C3orf20: variants seen among roughly 807,000 people sequenced by gnomAD.
C3orf20 encodes the protein family with sequence similarity 149 member C, also known as uncharacterized protein C3orf20.
In C3orf20, 76 loss-of-function variants were observed where a neutral mutation model predicts 88.3. That is an observed-to-expected ratio of 0.86 (90% CI 0.72 to 1.04). C3orf20 has a LOEUF of 1.04. Ranked by LOEUF, C3orf20 falls within the 50% of genes least tolerant of loss-of-function variation. The pLI is 0.00. For missense variants in C3orf20, 1,056 were observed against 1,123.3 expected (o/e 0.94, Z 0.86); for synonymous variants, 436 against 437.4 (o/e 1.00, Z 0.04).
chr3:14,747,325 C>G (rs1466706170), intron 12 of C3orf20, among the ~76,000 whole-genome samples: 2 of 152,196 alleles, frequency 1.3e-5, no homozygotes, highest in Non-Finnish European at 2.9e-5. Flanking sequence ...AATATTGCAG[C>G]TTGAATATCT....
rs150959545 is a variant in C3orf20 at position 14,728,772 on chromosome 3, C to T, written c.1940+84C>T. The T allele has an allele frequency of 5.9e-3, 8,462 of 1,436,560 alleles. 36 individuals carry two copies. The highest frequency in any genetic ancestry group is 6.2e-3 in the Non-Finnish European group (6,621 of 1,060,648). 89.0% of individuals were successfully genotyped at this position (1,436,560 alleles called of 1,614,324 possible). On this transcript the variant is annotated intron_variant, in intron 12 of 16. Transcript: ENST00000253697. Reference sequence around the variant, plus strand: ...AGGATAGTGAACCCAACAGATGGGGCCCCTCTCTTTTGGAGCTTAAATTCC... The same window carrying T: ...AGGATAGTGAACCCAACAGATGGGGTCCCTCTCTTTTGGAGCTTAAATTCC...
chr3:14,721,872 A>C, intron 10 of C3orf20, 88 bp downstream of exon 10: 1 of 1,521,060 alleles, frequency 6.6e-7, no homozygotes, highest in South Asian at 1.2e-5. Context: ...CTTTGCTCTT[A>C]CTCCCCACCA....
intron 5 of C3orf20, among the ~76,000 whole-genome samples, chr3:14,696,274 A>G (rs2032995843): frequency 6.6e-6 from 1 of 151,508 alleles, no homozygotes; most frequent in Non-Finnish European, 1.5e-5. Flanking sequence ...GAAAACTAAT[A>G]AAACTCTACA....
intron 5 of C3orf20, among the ~76,000 whole-genome samples, chr3:14,691,721 G>A (rs1026390951): frequency 6.6e-6 from 1 of 152,072 alleles, no homozygotes; most frequent in African/African-American, 2.4e-5. Context: ...GCTAAATGGG[G>A]TGTCCATCAC....
rs2034170475 is a variant in C3orf20, at chr3:14,721,741, T to G, written c.1523T>G (p.Val508Gly). ...TSLNETVTLT[V>G]SANNCPHGMA... ...CTGAATGAGACAGTAACACTCACTG[T>G]GTCGGCCAACAATTGTCCCCATGGA... Residue 508 changes from valine (V) to glycine (G), a missense_variant, in exon 10 of 17, where the codon GTG becomes GGG. Physicochemically the swap from Val to Gly is moderately radical, Grantham distance 109. Coordinates refer to ENST00000253697, the MANE Select transcript of C3orf20 (RefSeq NM_032137.5). 1 of 1,614,218 alleles carries G rather than the reference T, an allele frequency of 6.2e-7. No individual in the cohort carries two copies. The highest frequency in any genetic ancestry group is 8.5e-7 in the Non-Finnish European group (1 of 1,180,026).
In C3orf20 at chr3:14,768,588, A is replaced by C. The variant is rs926397654; in HGVS notation, c.2496-3479A>C. Among the ~76,000 whole-genome samples, 3 of 152,022 alleles carry C rather than the reference A, an allele frequency of 2.0e-5. No homozygotes were observed. The highest frequency in any genetic ancestry group is 6.5e-5 in the Admixed American group (1 of 15,282). The stretch of plus-strand genomic sequence containing the variant: ...CTGGGTTGGGGCTAAGCAGGGTATC[A>C]TGAGCTTGTCACAGCAGCAGACAGT... On this transcript the variant is annotated intron_variant, in intron 15 of 16. Coordinates refer to ENST00000253697, the MANE Select transcript of C3orf20 (RefSeq NM_032137.5). The surrounding 1 kb of genome is among the most constrained non-coding windows in gnomAD (Gnocchi z 4.1).
At chr3:14,707,445 TTGTGTGTGTGTGTGTGTGTGTGTGTG>T (rs36047273) in intron 7 of C3orf20, among the ~76,000 whole-genome samples, 19 of 136,452 alleles carry the variant, frequency 1.4e-4, no homozygotes, top group Non-Finnish European at 2.3e-4. Context: ...GCATCTTTTC[TTGTGTGTGTGTGTGTGTGTGTGTGTG>T]TGTGTGTGTG....
rs1333573260 is a variant in C3orf20, at chr3:14,768,439, G to T, written c.2496-3628G>T. On this transcript the variant is annotated intron_variant, in intron 15 of 16. Coordinates refer to ENST00000253697, the MANE Select transcript of C3orf20 (RefSeq NM_032137.5). This position sits in a 1 kb window ranked among gnomAD's most constrained non-coding sequence, Gnocchi z 4.1. ...CAAGGAAGCCCCTTGGACAGGCAGGGGAAGGGCATGCAGACGTAGGCTTTC... is the reference window on the plus strand; with the variant it reads ...CAAGGAAGCCCCTTGGACAGGCAGGTGAAGGGCATGCAGACGTAGGCTTTC... Among the ~76,000 whole-genome samples the T allele has an allele frequency of 1.3e-5, 2 of 152,046 alleles. No individual in the cohort carries two copies. The highest frequency in any genetic ancestry group is 2.9e-5 in the Non-Finnish European group (2 of 68,036).
rs779614224 is a variant in C3orf20, at chr3:14,772,186, C to T, written c.2615C>T (p.Ser872Phe). Residue 872 changes from serine (S) to phenylalanine (F), a missense_variant, in exon 16 of 17, where the codon TCT becomes TTT. Transcript: ENST00000253697. This position sits in a 1 kb window ranked among gnomAD's most constrained non-coding sequence, Gnocchi z 4.2. ...ALEDYVEKEL[S>F]LEAEKTREPE... is the part of the protein sequence containing the mutation. ...GAAGACTATGTGGAGAAGGAGTTAT[C>T]TCTGGAGGCTGAGAAGTAGGTGACC... The T allele has an allele frequency of 1.2e-6, 2 of 1,614,262 alleles. No individual in the cohort carries two copies. The highest frequency in any genetic ancestry group is 2.2e-5 in the South Asian group (2 of 91,088).
chr3:14,722,716 C>A, intron 10 of C3orf20: 1 of 388,062 alleles, frequency 2.6e-6, no homozygotes, highest in Non-Finnish European at 5.1e-6. Flanking sequence ...AGCATGAGGA[C>A]TACTTCAAAT....
chr3:14,750,335 A>G (rs921036125), intron 12 of C3orf20, among the ~76,000 whole-genome samples: 1 of 152,178 alleles, frequency 6.6e-6, no homozygotes, highest in Non-Finnish European at 1.5e-5. Flanking sequence ...AGATCTCTTG[A>G]GTCCAGGAGT....
chr3:14,730,549 AAATAATAATAAT>A (rs370620909), intron 12 of C3orf20, among the ~76,000 whole-genome samples: 4 of 151,814 alleles, frequency 2.6e-5, no homozygotes, highest in African/African-American at 4.8e-5. Flanking sequence ...TGTGTCTCAA[AAATAATAATAAT>A]AATAATAATC....
chr3:14,749,250 G>C (rs2125019511), intron 12 of C3orf20, among the ~76,000 whole-genome samples: 1 of 152,216 alleles, frequency 6.6e-6, no homozygotes, highest in East Asian at 1.9e-4. Context: ...ATTTTTGTCT[G>C]ATATTAGTAT....
intron 9 of C3orf20, 34 bp from the exon 10 acceptor site, chr3:14,721,619 A>G (rs1168360084): frequency 1.9e-6 from 3 of 1,610,304 alleles, no homozygotes; most frequent in Admixed American, 3.3e-5. Flanking sequence ...CCGTTGAAGC[A>G]GGGATTCTCT....
At chr3:14,678,567 T>G (rs2031914145) in intron 1 of C3orf20, among the ~76,000 whole-genome samples, 1 of 152,210 alleles carries the variant, frequency 6.6e-6, no homozygotes, top group Non-Finnish European at 1.5e-5. Flanking sequence ...ATGCAGCAGA[T>G]TGTTGACTGA....
At chr3:14,730,362 A>G (rs1184277895) in intron 12 of C3orf20, among the ~76,000 whole-genome samples, 1 of 152,098 alleles carries the variant, frequency 6.6e-6, no homozygotes, top group African/African-American at 2.4e-5. Context: ...CCTGGCTAAC[A>G]TGGTGAAACC....
In C3orf20 at chr3:14,772,636, G is replaced by A. The variant is rs74366143; in HGVS notation, c.2631-155G>A. On this transcript the variant is annotated intron_variant, in intron 16 of 16. Transcript: ENST00000253697. The surrounding 1 kb of genome is among the most constrained non-coding windows in gnomAD (Gnocchi z 4.2). Reference sequence around the variant, plus strand: ...AAAATTAGGAGCATGTAGAAAGGTCGCAGGTGCCACCGGGGCCCTCTGGTT... The same window carrying A: ...AAAATTAGGAGCATGTAGAAAGGTCACAGGTGCCACCGGGGCCCTCTGGTT... Among the ~76,000 whole-genome samples the A allele has an allele frequency of 0.047, 7,161 of 152,300 alleles. 560 individuals carry two copies. The highest frequency in any genetic ancestry group is 0.16 in the African/African-American group (6,607 of 41,538).
intron 10 of C3orf20, among the ~76,000 whole-genome samples, chr3:14,722,965 C>A (rs968437756): frequency 5.9e-5 from 9 of 152,200 alleles, no homozygotes; most frequent in African/African-American, 1.7e-4. Flanking sequence ...GTGGGTAGAG[C>A]AGACTATTTG....
chr3:14,736,756 G>A (rs1233211770), intron 12 of C3orf20, among the ~76,000 whole-genome samples: 1 of 151,520 alleles, frequency 6.6e-6, no homozygotes, highest in Non-Finnish European at 1.5e-5. Flanking sequence ...TAATAGACAT[G>A]GGGCTTCACC....
Sources: gnomAD v4.1 joint callset for allele counts (sites outside exome capture counted in the v4.1 genomes callset) on GRCh38, gnomAD v4.1.1 for gene constraint, Gnocchi (gnomAD v3.1) non-coding constraint, MANE v1.5 for transcripts, NCBI Gene and HGNC (gene_info 2026-07-23, HGNC 2026-07-21) for gene names.